The following RAP1GAP2 variants were observed in gnomAD, a reference collection of about 807,000 sequenced individuals.
The protein encoded by RAP1GAP2 is rap1 GTPase-activating protein 2.
A neutral mutation model predicts 95.0 loss-of-function variants in RAP1GAP2; 27 were observed. That is an observed-to-expected ratio of 0.28 (90% CI 0.21 to 0.39). The LOEUF (loss-of-function observed/expected upper bound fraction) is 0.39. Among genes scored for constraint, RAP1GAP2 ranks in the 10% least tolerant of loss-of-function variants. The pLI, the probability that RAP1GAP2 is intolerant of heterozygous loss-of-function variation, is 1.00. For synonymous variants in RAP1GAP2, 373 were observed against 380.9 expected, an observed-to-expected ratio of 0.98 and a Z score of 0.24; for missense variants, 771 against 970.0, an observed-to-expected ratio of 0.79 and a Z score of 2.72.
chr17:2,776,007 C>T (rs141241298), upstream of RAP1GAP2, among the ~76,000 whole-genome samples: 4,828 of 152,202 alleles, frequency 0.032, 278 homozygotes, highest in African/African-American at 0.11. Context: ...GGCGAAACCC[C>T]GTCTCTACTA....
chr17:2,948,089 T>C (rs993005362), intron 3 of RAP1GAP2, among the ~76,000 whole-genome samples: 2 of 152,192 alleles, frequency 1.3e-5, no homozygotes, highest in African/African-American at 2.4e-5. Flanking sequence ...CAAGGACTCA[T>C]TGAGCGACCT....
chr17:2,771,081 T>C (rs1597277037), intron 2 of RAP1GAP2, among the ~76,000 whole-genome samples: 2 of 151,762 alleles, frequency 1.3e-5, no homozygotes, highest in East Asian at 1.9e-4. Context: ...ACAAACAACA[T>C]AAAACAAACA....
At chr17:2,897,823 G>T (rs572427283) in intron 2 of RAP1GAP2, among the ~76,000 whole-genome samples, 22 of 152,182 alleles carry the variant, frequency 1.4e-4, no homozygotes, top group African/African-American at 5.3e-4. Context: ...CTGTCGGGTG[G>T]CATCTGGTGC....
At position 2,827,716 on chromosome 17, in the gene RAP1GAP2, G is replaced by A. The variant is rs117709213; in HGVS notation, c.80+27166G>A. On this transcript the variant is annotated intron_variant, in intron 2 of 24. Transcript: ENST00000254695. This position sits in a 1 kb window ranked among gnomAD's most constrained non-coding sequence, Gnocchi z 4.1. ...CCCAAGCTCTTCTCCCAGCCCACCCGGCACCAGCCAGTTTGAGCTCTGACT... is the reference window on the plus strand; with the variant it reads ...CCCAAGCTCTTCTCCCAGCCCACCCAGCACCAGCCAGTTTGAGCTCTGACT... 3.2e-3 allele frequency among the ~76,000 whole-genome samples: 487 copies of A among 152,124 alleles called. No homozygotes were observed. Among genetic ancestry groups the A allele is most frequent in the Non-Finnish European group, 5.8e-3 (397 of 68,004 alleles).
In RAP1GAP2 at chr17:2,904,132, C is replaced by T. The variant is rs541189456; in HGVS notation, c.81-1152C>T. 9.9e-5 allele frequency among the ~76,000 whole-genome samples: 15 copies of T among 152,244 alleles called. No homozygotes were observed. In the South Asian group the frequency reaches 1.2e-3, roughly 13 times the overall value. On this transcript the variant is annotated intron_variant, in intron 2 of 24. Coordinates refer to ENST00000254695, the MANE Select transcript of RAP1GAP2 (RefSeq NM_015085.5). The surrounding 1 kb of genome is among the most constrained non-coding windows in gnomAD (Gnocchi z 4.7). ...AGTTGGGGGCTTTGACGGCTCAGCC[C>T]GGCCCTCTTCGGCTTTTAATACGGT...
intron 11 of RAP1GAP2, among the ~76,000 whole-genome samples, chr17:2,988,191 C>T (rs1255505050): frequency 3.4e-5 from 5 of 147,612 alleles, no homozygotes; most frequent in South Asian, 2.2e-4. Context: ...GCTGGAGCAA[C>T]GAGCGAAACT....
chr17:2,771,613 C>T (rs538648802), intron 2 of RAP1GAP2, among the ~76,000 whole-genome samples: 1 of 151,790 alleles, frequency 6.6e-6, no homozygotes, highest in Admixed American at 6.6e-5. Flanking sequence ...CCTCAGCCTC[C>T]CGCGTAGCTG....
chr17:2,771,310 T>A (rs552961932), intron 2 of RAP1GAP2, among the ~76,000 whole-genome samples: 72 of 151,910 alleles, frequency 4.7e-4, no homozygotes, highest in African/African-American at 1.6e-3. Context: ...CTGACCCAGA[T>A]CCTTGCTCCA....
chr17:2,854,879 G>A (rs1345616942), intron 2 of RAP1GAP2, among the ~76,000 whole-genome samples: 3 of 152,180 alleles, frequency 2.0e-5, no homozygotes, highest in Non-Finnish European at 2.9e-5. Flanking sequence ...CTCCAGCAAT[G>A]GGGGGAGGGG....
At chr17:2,931,067 A>G (rs1461306057) in intron 3 of RAP1GAP2, among the ~76,000 whole-genome samples, 1 of 141,828 alleles carries the variant, frequency 7.1e-6, no homozygotes, top group Non-Finnish European at 1.5e-5. Context: ...GGCTGCAGTG[A>G]GCCGAGATCG....
chr17:2,938,011 G>A (rs1337617359), intron 3 of RAP1GAP2, among the ~76,000 whole-genome samples: 1 of 152,182 alleles, frequency 6.6e-6, no homozygotes, highest in African/African-American at 2.4e-5. Context: ...GAGGAGACGG[G>A]CTTTGTGCCT....
chr17:2,881,966 G>A (rs537758836), intron 2 of RAP1GAP2, among the ~76,000 whole-genome samples: 7 of 151,480 alleles, frequency 4.6e-5, no homozygotes, highest in Non-Finnish European at 1.0e-4. Context: ...GACTACAGGT[G>A]CCTGCCACCA....
chr17:2,769,233 A>T, intron 1 of RAP1GAP2, among the ~76,000 whole-genome samples: 1 of 27,776 alleles, frequency 3.6e-5, no homozygotes, highest in East Asian at 3.2e-3. Context: ...CCATTTCTCT[A>T]AAAAAAAAAA....
intron 13 of RAP1GAP2, among the ~76,000 whole-genome samples, chr17:2,997,759 C>T (rs1479753973): frequency 6.6e-6 from 1 of 151,708 alleles, no homozygotes; most frequent in African/African-American, 2.4e-5. Flanking sequence ...CTCGTCTCTA[C>T]CAAAAAATAC....
At chr17:2,930,025 G>A (rs1360764721) in intron 3 of RAP1GAP2, among the ~76,000 whole-genome samples, 1 of 152,234 alleles carries the variant, frequency 6.6e-6, no homozygotes, top group Middle Eastern at 3.2e-3. Flanking sequence ...GGACCTCTTA[G>A]TTTAGTGCCT....
rs1433333972 is a variant in RAP1GAP2, at chr17:3,030,928, A to G, written c.2114A>G (p.Lys705Arg). 1 of 1,609,566 alleles carries G rather than the reference A, an allele frequency of 6.2e-7. No individual in the cohort carries two copies. Among genetic ancestry groups the G allele is most frequent in the Non-Finnish European group, 8.5e-7 (1 of 1,178,114 alleles). The change falls in exon 23 of 25, where the codon AAA (lysine) becomes AGA (arginine). Residue 705 changes from lysine to arginine, a missense_variant. By Grantham distance (26) the Lys-to-Arg change is conservative (BLOSUM62 2). Coordinates refer to ENST00000254695, the MANE Select transcript of RAP1GAP2 (RefSeq NM_015085.5). The part of the protein sequence containing the change: ...IIMSRSPTDA[K>R]SRNSPRSNLK... ...TGGCCGTTCTTTTTCTTAGATGCCA[A>G]AAGCAGAAACTCCCCGAGATCGAAC...
chr17:2,853,497 G>A (rs944256738), intron 2 of RAP1GAP2, among the ~76,000 whole-genome samples: 3 of 150,368 alleles, frequency 2.0e-5, no homozygotes, highest in African/African-American at 7.3e-5. Context: ...TGCGGGCGGG[G>A]ACCAGAAGGA....
intron 1 of RAP1GAP2, among the ~76,000 whole-genome samples, chr17:2,762,406 T>C (rs2071272274): frequency 2.0e-5 from 3 of 148,304 alleles, no homozygotes; most frequent in Admixed American, 1.3e-4. Context: ...TCTTTTTTTT[T>C]TTTTTTTTTG....
intron 2 of RAP1GAP2, among the ~76,000 whole-genome samples, chr17:2,835,768 G>A (rs991694495): frequency 1.3e-5 from 2 of 152,152 alleles, no homozygotes; most frequent in South Asian, 4.1e-4. Context: ...AAGTTGTTTA[G>A]TAGAACGTCT....
Sources: allele counts gnomAD v4.1 joint callset (sites outside exome capture counted in the v4.1 genomes callset), GRCh38; gene constraint gnomAD v4.1.1; non-coding constraint Gnocchi (gnomAD v3.1); transcripts MANE v1.5; gene names NCBI Gene and HGNC (gene_info 2026-07-23, HGNC 2026-07-21).